Variants in ARHGAP26 observed in about 807,000 individuals in gnomAD.
ARHGAP26 encodes the protein rho GTPase-activating protein 26.
ARHGAP26 carries 38 observed loss-of-function variants against 104.8 expected under a neutral mutation model. The ratio of observed to expected loss-of-function variants is 0.36; its 90% CI spans 0.28 to 0.48. The LOEUF is 0.48. Among genes scored for constraint, ARHGAP26 ranks in the 20% least tolerant of loss-of-function variants. The pLI is 0.99. For synonymous variants in ARHGAP26, 341 were observed against 340.0 expected, an observed-to-expected ratio of 1.00 and a Z score of -0.03; for missense variants, 704 against 947.9, an observed-to-expected ratio of 0.74 and a Z score of 3.38.
At chr5:143,190,056 T>A (rs1805724713) in intron 20 of ARHGAP26, among the ~76,000 whole-genome samples, 1 of 145,700 alleles carries the variant, frequency 6.9e-6, no homozygotes, top group Non-Finnish European at 1.5e-5. Context: ...AAAGACCTGG[T>A]TTCTGGGGTT....
At chr5:142,783,233 T>G (rs1390034996) in intron 1 of ARHGAP26, among the ~76,000 whole-genome samples, 1 of 152,212 alleles carries the variant, frequency 6.6e-6, no homozygotes, top group Non-Finnish European at 1.5e-5. Flanking sequence ...TTCAGAAGCG[T>G]AAAAGTTCTA....
chr5:142,956,794 C>T (rs1055418395), intron 11 of ARHGAP26, among the ~76,000 whole-genome samples: 14 of 152,112 alleles, frequency 9.2e-5, no homozygotes, highest in East Asian at 5.8e-4. Flanking sequence ...ACAATTATGG[C>T]GGAGGGTGAA....
At chr5:142,837,229 A>G (rs1007050570) in intron 1 of ARHGAP26, among the ~76,000 whole-genome samples, 1 of 152,198 alleles carries the variant, frequency 6.6e-6, no homozygotes, top group African/African-American at 2.4e-5. Context: ...ACAAAAGGGT[A>G]GACGTCATGA....
intron 22 of ARHGAP26, among the ~76,000 whole-genome samples, chr5:143,219,332 T>G (rs1457672572): frequency 6.6e-6 from 1 of 152,220 alleles, no homozygotes; most frequent in Admixed American, 6.5e-5. Context: ...AGCAGCTTCA[T>G]AACATATCTA....
intron 17 of ARHGAP26, among the ~76,000 whole-genome samples, chr5:143,117,433 A>G (rs1795613376): frequency 6.6e-6 from 1 of 152,216 alleles, no homozygotes; most frequent in African/African-American, 2.4e-5. Context: ...TGGAGTAATG[A>G]ACATAGCTGT....
intron 11 of ARHGAP26, among the ~76,000 whole-genome samples, chr5:142,969,910 C>T (rs763976404): frequency 5.9e-5 from 9 of 152,148 alleles, no homozygotes; most frequent in African/African-American, 9.7e-5. Context: ...CTGGAAACTT[C>T]GGTGGCTTGT....
At chr5:142,920,398 T>C (rs910606310) in intron 10 of ARHGAP26, among the ~76,000 whole-genome samples, 1 of 152,244 alleles carries the variant, frequency 6.6e-6, no homozygotes, top group East Asian at 1.9e-4. Flanking sequence ...CCTGGATTTG[T>C]TTATTTTCAA....
At chr5:142,840,310 GTGTC>G (rs1442552190) in intron 1 of ARHGAP26, among the ~76,000 whole-genome samples, 2 of 152,168 alleles carry the variant, frequency 1.3e-5, no homozygotes, top group Non-Finnish European at 2.9e-5. Context: ...ATGATGGGGA[GTGTC>G]TGGCAAAGCC....
At chr5:142,820,249 C>T (rs149438300) in intron 1 of ARHGAP26, among the ~76,000 whole-genome samples, 23 of 152,198 alleles carry the variant, frequency 1.5e-4, no homozygotes, top group African/African-American at 5.3e-4. Flanking sequence ...CAGTTCTGAG[C>T]CATCCCAACT....
intron 11 of ARHGAP26, among the ~76,000 whole-genome samples, chr5:142,949,695 G>T (rs1442377217): frequency 6.6e-6 from 1 of 152,158 alleles, no homozygotes; most frequent in Non-Finnish European, 1.5e-5. Flanking sequence ...AGTATGAGGG[G>T]CAGAGTGGGA....
chr5:143,205,478 A>T (rs1182449308), intron 20 of ARHGAP26, among the ~76,000 whole-genome samples: 1 of 152,224 alleles, frequency 6.6e-6, no homozygotes, highest in African/African-American at 2.4e-5. Flanking sequence ...GTGATTCTCT[A>T]TCACTGTATT....
chr5:142,810,231 G>A (rs1039311333), intron 1 of ARHGAP26, among the ~76,000 whole-genome samples: 9 of 152,220 alleles, frequency 5.9e-5, no homozygotes, highest in South Asian at 2.1e-4. Context: ...GAGAAAGAAG[G>A]CCTCATTGTG....
In ARHGAP26 at chr5:143,120,986, A is replaced by G. The variant is rs1796062963; in HGVS notation, c.1539-2A>G. The stretch of plus-strand genomic sequence containing the variant: ...GGTACCTTTTCTTTTCCTTCCTCCC[A>G]GTGTTGCTAACAACCACAAGCAGAA... On this transcript the variant is annotated splice_acceptor_variant, in intron 17 of 22. Transcript: ENST00000645722. LOFTEE classifies it high-confidence loss of function. 1 of 1,612,248 alleles carries G rather than the reference A, an allele frequency of 6.2e-7. No individual in the cohort carries two copies.
intron 1 of ARHGAP26, among the ~76,000 whole-genome samples, chr5:142,864,303 G>A (rs970742575): frequency 6.6e-6 from 1 of 152,186 alleles, no homozygotes; most frequent in Admixed American, 6.5e-5. Context: ...TGGACAGAAA[G>A]GATTTGATGA....
intron 11 of ARHGAP26, among the ~76,000 whole-genome samples, chr5:142,958,430 G>A (rs1216075455): frequency 1.3e-5 from 2 of 152,192 alleles, no homozygotes; most frequent in East Asian, 3.8e-4. Flanking sequence ...ACTTTGGGAG[G>A]CCAAGGCAGG....
intron 1 of ARHGAP26, among the ~76,000 whole-genome samples, chr5:142,834,341 C>T (rs1769128178): frequency 6.6e-6 from 1 of 152,244 alleles, no homozygotes; most frequent in Non-Finnish European, 1.5e-5. Context: ...AGCAACCATT[C>T]TTCCTGAGTT....
At chr5:142,907,854 A>G in intron 9 of ARHGAP26, 50 bp downstream of exon 9, 1 of 1,280,374 alleles carries the variant, frequency 7.8e-7, no homozygotes, top group Non-Finnish European at 1.1e-6. Flanking sequence ...CTAACATATA[A>G]TGATTATAAT....
chr5:143,037,068 G>T (rs1782767561), intron 12 of ARHGAP26, 128 bp from the exon 13 acceptor site: 1 of 516,832 alleles, frequency 1.9e-6, no homozygotes, highest in South Asian at 3.4e-5. Flanking sequence ...TTCCTGTACT[G>T]TTATTGGGAA....
At chr5:142,878,200 C>T (rs1168658993) in intron 3 of ARHGAP26, among the ~76,000 whole-genome samples, 1 of 152,066 alleles carries the variant, frequency 6.6e-6, no homozygotes, top group African/African-American at 2.4e-5. Context: ...TTTGTTGCAG[C>T]GAGATTCCTG....
Sources: gnomAD v4.1 joint callset for allele counts (sites outside exome capture counted in the v4.1 genomes callset) on GRCh38, gnomAD v4.1.1 for gene constraint, MANE v1.5 for transcripts, NCBI Gene and HGNC (gene_info 2026-07-23, HGNC 2026-07-21) for gene names.